Variants in RPS6KA1 observed in about 807,000 individuals in gnomAD.
RPS6KA1 encodes the protein ribosomal protein S6 kinase alpha-1.
Under a neutral mutation model 91.3 loss-of-function variants are expected in RPS6KA1, and 48 were observed. That is an observed-to-expected ratio of 0.53 (90% CI 0.42 to 0.67). The LOEUF (loss-of-function observed/expected upper bound fraction) is 0.67. Ranked by LOEUF, RPS6KA1 falls within the 30% of genes least tolerant of loss-of-function variation. The pLI is 0.00. For missense variants in RPS6KA1, 719 were observed against 960.5 expected, an observed-to-expected ratio of 0.75 and a Z score of 3.32; for synonymous variants, 359 against 384.7, an observed-to-expected ratio of 0.93 and a Z score of 0.78.
intron 19 of RPS6KA1, 45 bp from the exon 20 acceptor site, chr1:26,572,131 A>G: frequency 6.5e-7 from 1 of 1,531,936 alleles, no homozygotes; most frequent in Non-Finnish European, 9.0e-7. Context: ...CAGCCCCAGT[A>G]TGGAGGCCAG....
chr1:26,534,051 A>C (rs1028528483), intron 1 of RPS6KA1, among the ~76,000 whole-genome samples: 2 of 152,140 alleles, frequency 1.3e-5, no homozygotes, highest in African/African-American at 4.8e-5. Context: ...GGGGGTCCCT[A>C]AGTCATCCAG....
chr1:26,536,803 G>T, intron 1 of RPS6KA1, 122 bp from the exon 2 acceptor site: 1 of 1,105,212 alleles, frequency 9.0e-7, no homozygotes, highest in Non-Finnish European at 1.4e-6. Context: ...CAGGACTCCT[G>T]CCCTACCACC....
chr1:26,529,998 C>G lies in RPS6KA1; in HGVS notation c.63+15C>G. 1 of 1,343,322 alleles carries G rather than the reference C, an allele frequency of 7.4e-7. No individual in the cohort carries two copies. The highest frequency in any genetic ancestry group is 9.6e-7 in the Non-Finnish European group (1 of 1,045,830). The allele number at this position is 1,343,322 out of a possible 1,614,324, so 83.2% of individuals were successfully genotyped here. A position where few individuals can be genotyped will look rare whatever the true frequency, so the allele number is the denominator to read the frequency against. The stretch of plus-strand genomic sequence containing the variant: ...TGGACCCGGAGGTGAGTGAGCGGGG[C>G]GGGGGACGGGCGCCCGCGGCCGGCG... On this transcript the variant is annotated intron_variant, in intron 1 of 21. Transcript: ENST00000374168. This position sits in a 1 kb window ranked among gnomAD's most constrained non-coding sequence, Gnocchi z 4.2.
Position 26,554,012 on chromosome 1 carries a change from A to G in RPS6KA1, c.576-202A>G. ...GGGGCCCTAATAGTACTTGCCTCAC[A>G]CAGTTGCTTCAAGGATTAGCAAAAA... On this transcript the variant is annotated intron_variant, in intron 7 of 21. Transcript: ENST00000374168. The surrounding 1 kb of genome is among the most constrained non-coding windows in gnomAD (Gnocchi z 4.6). The G allele has an allele frequency of 1.8e-6, 1 of 553,616 alleles. No individual in the cohort carries two copies. The highest frequency in any genetic ancestry group is 3.2e-6 in the Non-Finnish European group (1 of 308,386). The allele number at this position is 553,616 out of a possible 1,614,324, so 34.3% of individuals were successfully genotyped here. A position where few individuals can be genotyped will look rare whatever the true frequency, so the allele number is the denominator to read the frequency against.
chr1:26,573,539 A>C (rs2076268889), intron 21 of RPS6KA1, among the ~76,000 whole-genome samples, 178 bp downstream of exon 21: 1 of 152,138 alleles, frequency 6.6e-6, no homozygotes, highest in Admixed American at 6.5e-5. Flanking sequence ...GTCACGGTGC[A>C]CTCACAGCCC....
intron 1 of RPS6KA1, chr1:26,530,827 C>T (rs1216644872): frequency 7.8e-7 from 1 of 1,288,578 alleles, no homozygotes; most frequent in South Asian, 1.2e-5. Flanking sequence ...TGCCTTTTGA[C>T]CCCAGGGTCA....
chr1:26,537,913 T>G (rs1380288290), intron 2 of RPS6KA1, among the ~76,000 whole-genome samples: 1 of 152,210 alleles, frequency 6.6e-6, no homozygotes, highest in African/African-American at 2.4e-5. Context: ...CATGGCAGCT[T>G]CGGTGCCAGC....
rs1226180303 is a variant in RPS6KA1 at position 26,574,026 on chromosome 1, C to G, written c.2086-53C>G. 1.3e-6 allele frequency: 2 copies of G among 1,588,030 alleles called. No homozygotes were observed. The highest frequency in any genetic ancestry group is 2.7e-5 in the African/African-American group (2 of 74,540). ...GGCCTACCCTTGGGGCATGGATCCC[C>G]TCCCCGCTACATCTCCCACCATTGT... is the stretch of plus-strand genomic sequence containing the variant. On this transcript the variant is annotated intron_variant, in intron 21 of 21. Coordinates refer to ENST00000374168, the MANE Select transcript of RPS6KA1 (RefSeq NM_002953.4). This position sits in a 1 kb window ranked among gnomAD's most constrained non-coding sequence, Gnocchi z 4.3.
intron 15 of RPS6KA1, 50 bp from the exon 16 acceptor site, chr1:26,560,995 A>T (rs746923900): frequency 4.4e-6 from 7 of 1,599,546 alleles, no homozygotes; most frequent in Non-Finnish European, 6.0e-6. Context: ...GCCAGAAAGG[A>T]CCCTGGACCC....
At chr1:26,563,034 T>C (rs2076168136) in intron 17 of RPS6KA1, among the ~76,000 whole-genome samples, 1 of 151,986 alleles carries the variant, frequency 6.6e-6, no homozygotes, top group African/African-American at 2.4e-5. Flanking sequence ...AGATGGGGTT[T>C]CACCATGTTG....
chr1:26,543,085 T>G, intron 2 of RPS6KA1: 1 of 1,491,430 alleles, frequency 6.7e-7, no homozygotes, highest in South Asian at 1.2e-5. Context: ...AGACCCTGCC[T>G]TCTGGGCCAG....
chr1:26,563,753 T>C (rs1442143763), intron 17 of RPS6KA1, among the ~76,000 whole-genome samples: 1 of 152,236 alleles, frequency 6.6e-6, no homozygotes, highest in African/African-American at 2.4e-5. Context: ...ATTGTCTATA[T>C]TTCCTGTAAA....
intron 13 of RPS6KA1, among the ~76,000 whole-genome samples, chr1:26,557,748 T>A (rs1256410153): frequency 5.5e-5 from 8 of 144,610 alleles, no homozygotes; most frequent in Non-Finnish European, 1.0e-4. Flanking sequence ...AGGGTGTGCT[T>A]TTCTTCTCTC....
chr1:26,546,642 C>T (rs76845311), intron 2 of RPS6KA1, among the ~76,000 whole-genome samples: 18,041 of 152,292 alleles, frequency 0.12, 1,287 homozygotes, highest in Non-Finnish European at 0.16. Flanking sequence ...CCTAACCAGG[C>T]CAGAGCATCG....
intron 20 of RPS6KA1, 69 bp from the exon 21 acceptor site, chr1:26,573,155 T>G: frequency 6.5e-7 from 1 of 1,530,822 alleles, no homozygotes; most frequent in Non-Finnish European, 8.9e-7. Context: ...ATGGTTGCCC[T>G]CCTGTGCCCC....
chr1:26,574,763 T>TA lies in RPS6KA1; in HGVS notation c.*562_*563insA. On this transcript the variant is annotated 3_prime_UTR_variant, in exon 22 of 22. Transcript: ENST00000374168. The surrounding 1 kb of genome is among the most constrained non-coding windows in gnomAD (Gnocchi z 4.3). ...ACCACTTCCTGCTACAGGAGGGGTC[T>TA]CATGTCCTGCTGGCTTCCAGCTTCA... The TA allele has an allele frequency of 2.6e-5, 7 of 268,132 alleles. No individual in the cohort carries two copies. Among genetic ancestry groups the TA allele is most frequent in the Admixed American group, 1.0e-4 (2 of 19,868 alleles). The allele number at this position is 268,132 out of a possible 1,614,324, so 16.6% of individuals were successfully genotyped here. A position where few individuals can be genotyped will look rare whatever the true frequency, so the allele number is the denominator to read the frequency against.
Position 26,547,700 on chromosome 1 carries a change from C to T in RPS6KA1, c.307+430C>T. ...CAAGAGAGGGTGAGTCCAGGCAGGG[C>T]CACAGAGCTGGATGGCAGAGAGGTT... On this transcript the variant is annotated intron_variant, in intron 4 of 21. Transcript: ENST00000374168. The surrounding 1 kb of genome is among the most constrained non-coding windows in gnomAD (Gnocchi z 4.1). 1 of 208,996 alleles carries T rather than the reference C, an allele frequency of 4.8e-6. No homozygotes were observed. The highest frequency in any genetic ancestry group is 1.0e-5 in the Non-Finnish European group (1 of 99,538). The allele number at this position is 208,996 out of a possible 1,614,324, so 12.9% of individuals were successfully genotyped here. A position where few individuals can be genotyped will look rare whatever the true frequency, so the allele number is the denominator to read the frequency against.
intron 2 of RPS6KA1, among the ~76,000 whole-genome samples, chr1:26,539,818 A>T (rs1263415287): frequency 6.6e-6 from 1 of 152,142 alleles, no homozygotes; most frequent in Non-Finnish European, 1.5e-5. Flanking sequence ...CCCTTCTGGG[A>T]GTGGACTGGG....
intron 1 of RPS6KA1, chr1:26,530,983 G>A (rs2075863278): frequency 9.8e-7 from 1 of 1,023,974 alleles, no homozygotes; most frequent in Non-Finnish European, 1.2e-6. Context: ...GAGCTGAGAT[G>A]ACTTTCTCCC....
Sources: allele counts gnomAD v4.1 joint callset (sites outside exome capture counted in the v4.1 genomes callset), GRCh38; gene constraint gnomAD v4.1.1; non-coding constraint Gnocchi (gnomAD v3.1); transcripts MANE v1.5; gene names NCBI Gene and HGNC (gene_info 2026-07-23, HGNC 2026-07-21).